TENM2: variants seen among roughly 807,000 people sequenced by gnomAD.
TENM2 encodes teneurin-2.
Under a neutral mutation model 245.2 loss-of-function variants are expected in TENM2, and 52 were observed. The observed-to-expected ratio is 0.21, with a 90% CI of 0.17 to 0.27. The LOEUF is 0.27. Among genes scored for constraint, TENM2 ranks in the 10% least tolerant of loss-of-function variants. The pLI is 1.00. For synonymous variants in TENM2, 1,363 were observed against 1,438.9 expected, an observed-to-expected ratio of 0.95 and a Z score of 1.19; for missense variants, 3,046 against 3,666.8, an observed-to-expected ratio of 0.83 and a Z score of 4.37.
chr5:167,915,591 G>A (rs1776876744), intron 3 of TENM2, among the ~76,000 whole-genome samples: 1 of 152,024 alleles, frequency 6.6e-6, no homozygotes, highest in Non-Finnish European at 1.5e-5. Flanking sequence ...TTGTTCCCCT[G>A]TATCGATTCA....
In TENM2 at chr5:167,520,120, C is replaced by T. The variant is rs185218889; in HGVS notation, c.502+144647C>T. ...TTAATCATACCAGATATTTAATCACCCAATGCCTTAATGCCTTAAACAGCC... is the reference window on the plus strand; with the variant it reads ...TTAATCATACCAGATATTTAATCACTCAATGCCTTAATGCCTTAAACAGCC... On this transcript the variant is annotated intron_variant, in intron 2 of 28. Transcript: ENST00000518659. 6.2e-4 allele frequency among the ~76,000 whole-genome samples: 94 copies of T among 152,166 alleles called. 1 individual carries two copies. The highest frequency in any genetic ancestry group is 2.2e-3 in the African/African-American group (92 of 41,520).
intron 2 of TENM2, among the ~76,000 whole-genome samples, chr5:167,761,708 A>C (rs1762681246): frequency 1.3e-5 from 2 of 152,206 alleles, no homozygotes; most frequent in African/African-American, 4.8e-5. Context: ...CCACAGGCCT[A>C]ATGAGAAGTC....
At chr5:166,984,646 AG>A in the TENM2 span, among the ~76,000 whole-genome samples, 39 of 152,132 alleles carry the variant, frequency 2.6e-4, no homozygotes, top group Admixed American at 2.0e-3. Context: ...GAAATAGTCA[AG>A]TTAGGTTCCT....
the TENM2 span, among the ~76,000 whole-genome samples, chr5:167,251,089 A>C: frequency 1.3e-5 from 2 of 152,118 alleles, no homozygotes; most frequent in African/African-American, 2.4e-5. Context: ...CTGAAAAGAA[A>C]AAAGTGCTAA....
chr5:168,097,985 G>T, intron 8 of TENM2, 41 bp from the exon 11 acceptor site: 1 of 1,486,340 alleles, frequency 6.7e-7, no homozygotes, highest in South Asian at 1.2e-5. Context: ...TGCACCAGTA[G>T]ACAGAGGAAA....
the TENM2 span, among the ~76,000 whole-genome samples, chr5:167,177,721 G>A: frequency 2.0e-5 from 3 of 152,290 alleles, no homozygotes; most frequent in South Asian, 2.1e-4. Context: ...TTGACATGTG[G>A]CCTGAAAGAT....
At chr5:167,529,497 T>C (rs1472138303) in intron 2 of TENM2, among the ~76,000 whole-genome samples, 1 of 152,238 alleles carries the variant, frequency 6.6e-6, no homozygotes, top group African/African-American at 2.4e-5. Flanking sequence ...TGTGTTCACT[T>C]TCTGCACTTA....
At chr5:167,429,389 C>A (rs772741283) in intron 2 of TENM2, among the ~76,000 whole-genome samples, 1 of 152,158 alleles carries the variant, frequency 6.6e-6, no homozygotes, top group Non-Finnish European at 1.5e-5. Context: ...CTGCACATCT[C>A]CTCTGTGCCA....
chr5:167,455,269 A>C (rs1765844600), intron 2 of TENM2, among the ~76,000 whole-genome samples: 1 of 152,224 alleles, frequency 6.6e-6, no homozygotes, highest in African/African-American at 2.4e-5. Context: ...TCAAACAACA[A>C]ATATACAGTT....
intron 2 of TENM2, among the ~76,000 whole-genome samples, chr5:167,682,426 C>G (rs1278255391): frequency 6.6e-6 from 1 of 151,964 alleles, no homozygotes; most frequent in East Asian, 1.9e-4. Context: ...GCCTCCCAAA[C>G]TGTTGGGATT....
At chr5:168,193,680 G>T (rs1222548029) in intron 14 of TENM2, among the ~76,000 whole-genome samples, 1 of 152,224 alleles carries the variant, frequency 6.6e-6, no homozygotes, top group Admixed American at 6.5e-5. Context: ...GGACTCCATT[G>T]TGGAATGTAC....
At chr5:167,331,790 G>A (rs1450441225) in intron 1 of TENM2, among the ~76,000 whole-genome samples, 1 of 152,160 alleles carries the variant, frequency 6.6e-6, no homozygotes, top group Non-Finnish European at 1.5e-5. Context: ...CGGAAGCAGA[G>A]AATGTTGTTA....
At chr5:167,268,915 TAGATAGATAGATAGAC>T in the TENM2 span, among the ~76,000 whole-genome samples, 3 of 151,408 alleles carry the variant, frequency 2.0e-5, no homozygotes, top group African/African-American at 4.8e-5. Context: ...GATAGATAGA[TAGATAGATAGATAGAC>T]AGACATTTTT....
chr5:167,634,330 TAA>T (rs1345437753), intron 2 of TENM2, among the ~76,000 whole-genome samples: 1 of 152,212 alleles, frequency 6.6e-6, no homozygotes, highest in Non-Finnish European at 1.5e-5. Flanking sequence ...TAAAATTCCA[TAA>T]GGTTAGAGAA....
intron 3 of TENM2, among the ~76,000 whole-genome samples, chr5:167,920,517 A>T (rs1293862757): frequency 4.0e-5 from 4 of 100,326 alleles, no homozygotes; most frequent in African/African-American, 8.4e-5. Context: ...AAACTCCATC[A>T]CACACACACA....
chr5:167,004,820 T>A, the TENM2 span, among the ~76,000 whole-genome samples: 1 of 152,298 alleles, frequency 6.6e-6, no homozygotes, highest in African/African-American at 2.4e-5. Context: ...TTTCTTCAAC[T>A]GTGCAGCGTG....
exon 19 of TENM2, chr5:168,204,408 T>C (rs959849998): frequency 6.2e-7 from 1 of 1,613,954 alleles, no homozygotes; most frequent in South Asian, 1.1e-5. Context: ...AACCAGTTCC[T>C]GACCCAGCAG....
intron 2 of TENM2, among the ~76,000 whole-genome samples, chr5:167,469,762 G>T (rs1374004816): frequency 6.6e-6 from 1 of 151,910 alleles, no homozygotes; most frequent in Non-Finnish European, 1.5e-5. Flanking sequence ...GACATGAGAT[G>T]AGGATTTTTT....
At chr5:168,031,270 A>G (rs939035770) in intron 5 of TENM2, among the ~76,000 whole-genome samples, 6 of 152,220 alleles carry the variant, frequency 3.9e-5, no homozygotes, top group African/African-American at 1.4e-4. Flanking sequence ...CTCTTTTGTA[A>G]AATGAGTCTG....
Sources: gnomAD v4.1 joint callset for allele counts (sites outside exome capture counted in the v4.1 genomes callset) on GRCh38, gnomAD v4.1.1 for gene constraint, MANE v1.5 for transcripts, NCBI Gene and HGNC (gene_info 2026-07-23, HGNC 2026-07-21) for gene names.